Variants in STAU1 observed in about 807,000 individuals in gnomAD.
STAU1 encodes staufen double-stranded RNA binding protein 1.
A neutral mutation model predicts 62.9 loss-of-function variants in STAU1; 13 were observed. The ratio of observed to expected loss-of-function variants is 0.21; its 90% CI spans 0.13 to 0.33. The LOEUF is 0.33. STAU1 is among the 10% of genes least tolerant of loss of function. The pLI is 1.00. For synonymous variants in STAU1, 269 were observed against 265.1 expected (o/e 1.01, Z -0.14); for missense variants, 571 against 712.1 (o/e 0.80, Z 2.25).
chr20:49,158,608 G>A lies in STAU1; in HGVS notation c.206-4537C>T, dbSNP rs561882943. The stretch of plus-strand genomic sequence containing the variant: ...GCAGATCACTTGAGGTCAGGAGTTC[G>A]AGACCAGCCTGGCCTACATAGTGAA... On this transcript the variant is annotated intron_variant, in intron 3 of 13. Coordinates refer to ENST00000371856, the MANE Select transcript of STAU1 (RefSeq NM_017453.4). The A allele has an allele frequency of 1.3e-3, 1,107 of 859,738 alleles. 1 individual carries two copies. The highest frequency in any genetic ancestry group is 1.7e-3 in the Non-Finnish European group (1,017 of 600,992). 53.3% of individuals were successfully genotyped at this position (859,738 alleles called of 1,614,324 possible). A position where few individuals can be genotyped will look rare whatever the true frequency, so the allele number is the denominator to read the frequency against.
chr20:49,192,358 A>C (rs1412976908), upstream of STAU1, among the ~76,000 whole-genome samples: 1 of 151,738 alleles, frequency 6.6e-6, no homozygotes, highest in Non-Finnish European at 1.5e-5. Context: ...AAAAAAAAAA[A>C]AAAGAAAAAA....
upstream of STAU1, among the ~76,000 whole-genome samples, chr20:49,188,713 C>T (rs555020242): frequency 5.3e-5 from 8 of 152,342 alleles, no homozygotes; most frequent in Non-Finnish European, 1.0e-4. Context: ...TGCCTCTGGC[C>T]TTCCTTTCTC....
chr20:49,154,216 G>A (rs961314990), intron 3 of STAU1, 145 bp from the exon 4 acceptor site: 4 of 744,056 alleles, frequency 5.4e-6, no homozygotes, highest in Admixed American at 3.0e-5. Context: ...CTAGGCATCA[G>A]ACAAGGAAAT....
At chr20:49,189,619 CAAAAA>C (rs71186430), upstream of STAU1, among the ~76,000 whole-genome samples, 2 of 55,348 alleles carry the variant, frequency 3.6e-5, no homozygotes, top group African/African-American at 7.2e-5. Flanking sequence ...GACTCTGTCT[CAAAAA>C]AAAAAAAAAA....
chr20:49,121,867 A>G (rs1175836937), intron 8 of STAU1, among the ~76,000 whole-genome samples: 1 of 152,212 alleles, frequency 6.6e-6, no homozygotes, highest in Middle Eastern at 3.2e-3. Flanking sequence ...GTTGATTGTA[A>G]TAACAGGCAC....
chr20:49,177,674 G>A (rs1027908673), intron 1 of STAU1, among the ~76,000 whole-genome samples: 22 of 150,990 alleles, frequency 1.5e-4, no homozygotes, highest in African/African-American at 4.9e-4. Context: ...GTGAGACTCC[G>A]TCTCAAAAAC....
At chr20:49,216,284 G>A in the STAU1 span, among the ~76,000 whole-genome samples, 1 of 151,974 alleles carries the variant, frequency 6.6e-6, no homozygotes, top group Non-Finnish European at 1.5e-5. Context: ...CTAGCATTTT[G>A]GGAGGCCAAG....
intron 3 of STAU1, chr20:49,158,920 T>TAAATAAAA: frequency 8.1e-7 from 1 of 1,234,270 alleles, no homozygotes; most frequent in Non-Finnish European, 1.1e-6. Flanking sequence ...AATAAATAAA[T>TAAATAAAA]AAATAAATAA....
intron 3 of STAU1, among the ~76,000 whole-genome samples, chr20:49,164,676 G>A (rs1216047801): frequency 6.6e-6 from 1 of 152,060 alleles, no homozygotes; most frequent in Non-Finnish European, 1.5e-5. Context: ...TGAGGCAGGA[G>A]GATCCACTTG....
intron 1 of STAU1, among the ~76,000 whole-genome samples, chr20:49,177,846 C>T (rs539684949): frequency 1.3e-5 from 2 of 152,062 alleles, no homozygotes; most frequent in Admixed American, 1.3e-4. Context: ...TCATTTGGAT[C>T]TCAAATACTT....
the STAU1 span, among the ~76,000 whole-genome samples, chr20:49,211,797 T>C: frequency 6.6e-6 from 1 of 151,994 alleles, no homozygotes; most frequent in African/African-American, 2.4e-5. Context: ...TGTGTGCCAC[T>C]GCTCCCACTC....
the STAU1 span, among the ~76,000 whole-genome samples, chr20:49,206,719 T>TTATATATATATATATATATATATA: frequency 1.2e-4 from 13 of 106,036 alleles, no homozygotes; most frequent in East Asian, 6.8e-4. Flanking sequence ...AAATGAAATT[T>TTATATATATATATATATATATATA]TATATATATA....
chr20:49,158,451 T>C lies in STAU1; in HGVS notation c.206-4380A>G, dbSNP rs973236681. On this transcript the variant is annotated intron_variant, in intron 3 of 13. Transcript: ENST00000371856. ...AGGCAACTTGCCTTCATAGCTGATT[T>C]TTCTTGTAGGTCTTACTTTTAGGAT... 10 of 1,304,662 alleles carry C rather than the reference T, an allele frequency of 7.7e-6. No individual in the cohort carries two copies. The African/African-American group carries it at 1.2e-4, about 16-fold the overall frequency. The allele number at this position is 1,304,662 out of a possible 1,614,324, so 80.8% of individuals were successfully genotyped here.
intron 1 of STAU1, among the ~76,000 whole-genome samples, chr20:49,179,452 T>C (rs2093698445): frequency 6.6e-6 from 1 of 152,196 alleles, no homozygotes; most frequent in Admixed American, 6.5e-5. Flanking sequence ...GGAAACTTAT[T>C]TGCCTAACTA....
chr20:49,154,299 A>G (rs1600760841), intron 3 of STAU1, among the ~76,000 whole-genome samples: 1 of 152,228 alleles, frequency 6.6e-6, no homozygotes, highest in Admixed American at 6.5e-5. Flanking sequence ...GGGTTACCAG[A>G]GGAGCCACAA....
chr20:49,115,116 A>G (rs745770997), intron 13 of STAU1, among the ~76,000 whole-genome samples: 21 of 152,138 alleles, frequency 1.4e-4, no homozygotes, highest in Middle Eastern at 6.8e-3. Context: ...GGGAAGAAAT[A>G]TATGTCTATA....
chr20:49,207,795 T>C, the STAU1 span, among the ~76,000 whole-genome samples: 5 of 152,032 alleles, frequency 3.3e-5, no homozygotes, highest in Non-Finnish European at 5.9e-5. Context: ...GCTGGGATTA[T>C]AGGCGTGAGC....
At chr20:49,149,585 A>G (rs2093204743) in intron 5 of STAU1, among the ~76,000 whole-genome samples, 1 of 152,218 alleles carries the variant, frequency 6.6e-6, no homozygotes, top group Non-Finnish European at 1.5e-5. Context: ...AAAGCTGAAA[A>G]GCCTCCAAAA....
At chr20:49,148,163 A>G (rs1481034402) in intron 5 of STAU1, among the ~76,000 whole-genome samples, 1 of 152,244 alleles carries the variant, frequency 6.6e-6, no homozygotes, top group African/African-American at 2.4e-5. Context: ...TGTTTCACTT[A>G]TTGCAGGCTG....
Sources: gnomAD v4.1 joint callset for allele counts (sites outside exome capture counted in the v4.1 genomes callset) on GRCh38, gnomAD v4.1.1 for gene constraint, MANE v1.5 for transcripts, NCBI Gene and HGNC (gene_info 2026-07-23, HGNC 2026-07-21) for gene names.